The following TBL1XR1 variants were observed in gnomAD, a reference collection of about 807,000 sequenced individuals.
TBL1XR1 encodes the protein TBL1X/Y related 1.
TBL1XR1 carries 5 observed loss-of-function variants against 66.9 expected under a neutral mutation model. The ratio of observed to expected loss-of-function variants is 0.07; its 90% CI spans 0.04 to 0.16. The LOEUF is 0.16. TBL1XR1 is among the 10% of genes least tolerant of loss of function. The pLI is 1.00. For synonymous variants in TBL1XR1, 210 were observed against 206.0 expected (o/e 1.02, Z -0.17); for missense variants, 238 against 623.2 (o/e 0.38, Z 6.58).
chr3:177,062,288 G>A (rs1718614685), intron 3 of TBL1XR1, among the ~76,000 whole-genome samples: 1 of 152,150 alleles, frequency 6.6e-6, no homozygotes, highest in African/African-American at 2.4e-5. Context: ...AAGATATTGT[G>A]AATATGCTAA....
At chr3:177,031,336 TTTTA>T (rs1469931453) in intron 14 of TBL1XR1, among the ~76,000 whole-genome samples, 3 of 151,624 alleles carry the variant, frequency 2.0e-5, no homozygotes, top group African/African-American at 7.3e-5. Flanking sequence ...TTTACTTAAT[TTTTA>T]TTTTTTTTTT....
intron 14 of TBL1XR1, among the ~76,000 whole-genome samples, chr3:177,029,485 G>A (rs1352898868): frequency 6.6e-6 from 1 of 152,000 alleles, no homozygotes; most frequent in Non-Finnish European, 1.5e-5. Context: ...GTGGGGTGTG[G>A]TGGCATGCAG....
chr3:177,124,792 C>A lies in TBL1XR1; in HGVS notation c.-121-26251G>T, dbSNP rs1727410421. 2.6e-5 allele frequency among the ~76,000 whole-genome samples: 4 copies of A among 152,052 alleles called. 1 individual carries two copies. The highest frequency in any genetic ancestry group is 2.6e-4 in the Admixed American group (4 of 15,248). ...TCAAAATCTCAACTGCTAGTAAGAT[C>A]TAGAAAGTCTAGATAAAAATTCATA... On this transcript the variant is annotated intron_variant, in intron 1 of 15. Transcript: ENST00000457928.
intron 1 of TBL1XR1, among the ~76,000 whole-genome samples, chr3:177,156,518 T>TACATAC (rs1731526175): frequency 7.2e-6 from 1 of 139,706 alleles, no homozygotes. Context: ...TATATATACA[T>TACATAC]ACACACACAC....
At chr3:177,149,935 A>G (rs1426583722) in intron 1 of TBL1XR1, among the ~76,000 whole-genome samples, 1 of 152,212 alleles carries the variant, frequency 6.6e-6, no homozygotes, top group African/African-American at 2.4e-5. Flanking sequence ...TTATTCTAAT[A>G]TAACTAAGGA....
chr3:177,169,048 C>CAA (rs1265598192), intron 1 of TBL1XR1, among the ~76,000 whole-genome samples: 1 of 151,982 alleles, frequency 6.6e-6, no homozygotes, highest in East Asian at 1.9e-4. Flanking sequence ...CACATATTTA[C>CAA]AAAAATGAAA....
intron 1 of TBL1XR1, among the ~76,000 whole-genome samples, chr3:177,166,398 G>A (rs1732828183): frequency 6.6e-6 from 1 of 152,110 alleles, no homozygotes; most frequent in Non-Finnish European, 1.5e-5. Context: ...GTGAAAAGAT[G>A]TTCCACATCA....
chr3:177,189,085 G>A (rs1366598096), intron 1 of TBL1XR1, among the ~76,000 whole-genome samples: 1 of 151,922 alleles, frequency 6.6e-6, no homozygotes, highest in Non-Finnish European at 1.5e-5. Flanking sequence ...GCACGTTCCT[G>A]TAGTCCCAGC....
intron 1 of TBL1XR1, among the ~76,000 whole-genome samples, chr3:177,178,110 T>C (rs1029258548): frequency 2.0e-5 from 3 of 152,302 alleles, no homozygotes; most frequent in African/African-American, 7.2e-5. Context: ...GGAATAAGCT[T>C]GTTCAGTGGG....
chr3:177,045,382 C>T (rs768901045), intron 10 of TBL1XR1, among the ~76,000 whole-genome samples: 1 of 152,100 alleles, frequency 6.6e-6, no homozygotes, highest in South Asian at 2.1e-4. Context: ...GGGAAACTCA[C>T]TGAAAAGCGG....
At chr3:177,164,959 AT>A (rs1048151731) in intron 1 of TBL1XR1, among the ~76,000 whole-genome samples, 28 of 148,670 alleles carry the variant, frequency 1.9e-4, no homozygotes, top group African/African-American at 1.5e-4. Context: ...TGAAGTTTTA[AT>A]TTTTTTTTTT....
chr3:177,173,636 T>G (rs1733822593), intron 1 of TBL1XR1, among the ~76,000 whole-genome samples: 1 of 152,018 alleles, frequency 6.6e-6, no homozygotes. Flanking sequence ...GAAAACTAAA[T>G]GCAACATGAG....
intron 1 of TBL1XR1, among the ~76,000 whole-genome samples, chr3:177,132,344 A>T (rs1728404480): frequency 6.6e-6 from 1 of 152,216 alleles, no homozygotes; most frequent in Admixed American, 6.5e-5. Flanking sequence ...AAGGGGGACA[A>T]TTGAACCTCA....
intron 1 of TBL1XR1, among the ~76,000 whole-genome samples, chr3:177,109,813 A>T (rs1725331024): frequency 6.6e-6 from 1 of 152,104 alleles, no homozygotes; most frequent in East Asian, 1.9e-4. Flanking sequence ...TTGCAATATT[A>T]AAGTAGGATG....
chr3:177,053,064 C>G (rs1239433745), intron 4 of TBL1XR1, among the ~76,000 whole-genome samples: 1 of 152,126 alleles, frequency 6.6e-6, no homozygotes, highest in East Asian at 1.9e-4. Context: ...ATTGTGCCAC[C>G]ACACTCCAGC....
intron 1 of TBL1XR1, among the ~76,000 whole-genome samples, chr3:177,165,806 T>C (rs529118477): frequency 1.3e-5 from 2 of 152,098 alleles, no homozygotes; most frequent in Non-Finnish European, 2.9e-5. Flanking sequence ...TAACTCAAAA[T>C]AGATCACAGA....
intron 1 of TBL1XR1, among the ~76,000 whole-genome samples, chr3:177,135,353 A>T: frequency 6.0e-5 from 2 of 33,528 alleles, no homozygotes; most frequent in African/African-American, 2.5e-4. Flanking sequence ...ATATATATAT[A>T]TATATATATA....
At chr3:177,190,361 G>A (rs139510191) in intron 1 of TBL1XR1, among the ~76,000 whole-genome samples, 91 of 152,124 alleles carry the variant, frequency 6.0e-4, no homozygotes, top group African/African-American at 2.1e-3. Flanking sequence ...TGTTGACCAG[G>A]CTGGAGTGCA....
At chr3:177,041,892 T>C (rs973429965) in intron 10 of TBL1XR1, among the ~76,000 whole-genome samples, 7 of 152,114 alleles carry the variant, frequency 4.6e-5, no homozygotes, top group East Asian at 1.9e-4. Flanking sequence ...GTGTCGAGCA[T>C]TGCCAGGCAG....
Sources: allele counts gnomAD v4.1 joint callset (sites outside exome capture counted in the v4.1 genomes callset), GRCh38; gene constraint gnomAD v4.1.1; transcripts MANE v1.5; gene names NCBI Gene and HGNC (gene_info 2026-07-23, HGNC 2026-07-21).